Variants in GRIA2 observed in about 807,000 individuals in gnomAD.
GRIA2 encodes the protein glutamate receptor 2.
A neutral mutation model predicts 97.3 loss-of-function variants in GRIA2; 14 were observed. The ratio of observed to expected loss-of-function variants is 0.14; its 90% CI spans 0.10 to 0.23. The LOEUF (loss-of-function observed/expected upper bound fraction) is 0.23. Ranked by LOEUF, GRIA2 falls within the 10% of genes least tolerant of loss-of-function variation. The pLI, the probability that GRIA2 is intolerant of heterozygous loss-of-function variation, is 1.00. For missense variants in GRIA2, 558 were observed against 1,069.8 expected, an observed-to-expected ratio of 0.52 and a Z score of 6.67; for synonymous variants, 412 against 387.8, an observed-to-expected ratio of 1.06 and a Z score of -0.73.
At chr4:157,275,858 T>TCCA (rs1372421588) in intron 2 of GRIA2, among the ~76,000 whole-genome samples, 31 of 152,164 alleles carry the variant, frequency 2.0e-4, no homozygotes, top group Non-Finnish European at 3.8e-4. Context: ...GTGGGCTCTT[T>TCCA]TTTGGTTCCA....
At chr4:157,264,128 A>G (rs1202882421) in intron 2 of GRIA2, among the ~76,000 whole-genome samples, 9 of 152,132 alleles carry the variant, frequency 5.9e-5, no homozygotes, top group African/African-American at 2.2e-4. Flanking sequence ...ATGCAGGTTT[A>G]TAAGTTCACC....
chr4:157,298,666 C>T (rs1349569735), intron 2 of GRIA2, among the ~76,000 whole-genome samples: 1 of 89,258 alleles, frequency 1.1e-5, no homozygotes, highest in Non-Finnish European at 2.0e-5. Context: ...TAGATTTGAA[C>T]GTTATATTTT....
chr4:157,309,443 C>G (rs1733980875), intron 3 of GRIA2, among the ~76,000 whole-genome samples: 1 of 151,318 alleles, frequency 6.6e-6, no homozygotes, highest in Admixed American at 6.6e-5. Context: ...TCACCACCTC[C>G]CAGCTTCAAG....
At chr4:157,352,457 C>T (rs1035713597) in intron 12 of GRIA2, among the ~76,000 whole-genome samples, 1 of 152,042 alleles carries the variant, frequency 6.6e-6, no homozygotes, top group Non-Finnish European at 1.5e-5. Context: ...GTGGCTCATG[C>T]CTGTAATCTC....
chr4:157,362,588 T>A lies in GRIA2; in HGVS notation c.2407-211T>A. On this transcript the variant is annotated intron_variant, in intron 14 of 15. Coordinates refer to ENST00000264426, the MANE Select transcript of GRIA2 (RefSeq NM_001083619.3). ...AAGTTTATTCCCTGCAGGTAGTCGA[T>A]TGAGTCCACCAAAATCTTAAGCTAA... 6.6e-6 allele frequency: 4 copies of A among 609,320 alleles called. No homozygotes were observed. The South Asian group carries it at 7.3e-5, about 11-fold the overall frequency. The allele number at this position is 609,320 out of a possible 1,614,324, so 37.7% of individuals were successfully genotyped here. A position where few individuals can be genotyped will look rare whatever the true frequency, so the allele number is the denominator to read the frequency against.
intron 12 of GRIA2, among the ~76,000 whole-genome samples, chr4:157,351,723 T>C (rs908229572): frequency 4.6e-5 from 7 of 152,130 alleles, no homozygotes; most frequent in Admixed American, 3.3e-4. Flanking sequence ...GTTTTCCCCA[T>C]GCTGTTCTTG....
chr4:157,272,377 A>G (rs367853565), intron 2 of GRIA2, among the ~76,000 whole-genome samples: 138 of 152,190 alleles, frequency 9.1e-4, no homozygotes, highest in African/African-American at 3.1e-3. Context: ...AAAACTGGAG[A>G]GACACACAGG....
At position 157,343,546 on chromosome 4, in the gene GRIA2, A is replaced by G. The variant is rs1294074842; in HGVS notation, c.2043+2084A>G. On this transcript the variant is annotated intron_variant, in intron 12 of 15. Transcript: ENST00000264426. ...ATGCTAGAGACACGGTTGAAACCCA[A>G]GCAAGTCCTCACAGTTCCTCTCAAA... 3.9e-5 allele frequency among the ~76,000 whole-genome samples: 6 copies of G among 152,058 alleles called. No homozygotes were observed. The South Asian group carries it at 1.2e-3, about 31-fold the overall frequency.
At chr4:157,323,211 T>G (rs1475577375) in intron 6 of GRIA2, among the ~76,000 whole-genome samples, 1 of 151,590 alleles carries the variant, frequency 6.6e-6, no homozygotes, top group Admixed American at 6.6e-5. Context: ...GGCAGGCTCC[T>G]GTAATCCCAG....
At chr4:157,227,614 A>T (rs940491651) in intron 2 of GRIA2, among the ~76,000 whole-genome samples, 7 of 152,334 alleles carry the variant, frequency 4.6e-5, no homozygotes, top group Admixed American at 2.0e-4. Context: ...TCAGAGCTAA[A>T]ATCTTGTATT....
chr4:157,332,688 C>A, intron 6 of GRIA2, 131 bp from the exon 7 acceptor site: 1 of 614,050 alleles, frequency 1.6e-6, no homozygotes, highest in Non-Finnish European at 2.9e-6. Context: ...TTTCTAGATG[C>A]AGAAATTGTG....
chr4:157,258,855 G>T (rs1458184945), intron 2 of GRIA2, among the ~76,000 whole-genome samples: 1 of 152,036 alleles, frequency 6.6e-6, no homozygotes, highest in Non-Finnish European at 1.5e-5. Flanking sequence ...AATTATCGGG[G>T]GCGGGTTCCC....
intron 12 of GRIA2, among the ~76,000 whole-genome samples, chr4:157,354,031 A>G (rs1378349428): frequency 6.6e-6 from 1 of 152,142 alleles, no homozygotes; most frequent in Non-Finnish European, 1.5e-5. Flanking sequence ...AATGATTCGA[A>G]AAATATTTTA....
At chr4:157,321,831 T>A (rs1261451532) in intron 6 of GRIA2, among the ~76,000 whole-genome samples, 1 of 152,210 alleles carries the variant, frequency 6.6e-6, no homozygotes, top group Non-Finnish European at 1.5e-5. Flanking sequence ...TATGATAATT[T>A]ATAATAAATA....
chr4:157,362,281 T>A (rs1736664000), intron 14 of GRIA2: 1 of 409,858 alleles, frequency 2.4e-6, no homozygotes, highest in South Asian at 1.8e-5. Flanking sequence ...TCCTGAAGGT[T>A]TATCTTAGCC....
chr4:157,345,404 T>G (rs901139861), intron 12 of GRIA2, among the ~76,000 whole-genome samples: 1 of 152,036 alleles, frequency 6.6e-6, no homozygotes, highest in African/African-American at 2.4e-5. Flanking sequence ...CTGAATCATT[T>G]TGGAGTTACT....
chr4:157,228,932 G>T (rs1561000649), intron 2 of GRIA2, among the ~76,000 whole-genome samples: 1 of 144,712 alleles, frequency 6.9e-6, no homozygotes, highest in Non-Finnish European at 1.5e-5. Flanking sequence ...TTATGGGTCT[G>T]CCAAGCTTCA....
intron 2 of GRIA2, among the ~76,000 whole-genome samples, chr4:157,291,668 T>A (rs1348642468): frequency 6.6e-6 from 1 of 152,054 alleles, no homozygotes; most frequent in Non-Finnish European, 1.5e-5. Context: ...ATTAATGGTA[T>A]ACTTTGTAGT....
In GRIA2 at chr4:157,361,914, G is replaced by A. The variant is rs1007976857; in HGVS notation, c.2406+790G>A. Among the ~76,000 whole-genome samples, 4 of 152,130 alleles carry A rather than the reference G, an allele frequency of 2.6e-5. No homozygotes were observed. The highest frequency in any genetic ancestry group is 9.7e-5 in the African/African-American group (4 of 41,428). On this transcript the variant is annotated intron_variant, in intron 14 of 15. Transcript: ENST00000264426. The surrounding 1 kb of genome is among the most constrained non-coding windows in gnomAD (Gnocchi z 5.2). ...GTCTAACTCATACATAATAGTGCATGAAACAGCAACATACTGAAATAGAGT... is the reference window on the plus strand; with the variant it reads ...GTCTAACTCATACATAATAGTGCATAAAACAGCAACATACTGAAATAGAGT...
Sources: allele counts gnomAD v4.1 joint callset (sites outside exome capture counted in the v4.1 genomes callset), GRCh38; gene constraint gnomAD v4.1.1; non-coding constraint Gnocchi (gnomAD v3.1); transcripts MANE v1.5; gene names NCBI Gene and HGNC (gene_info 2026-07-23, HGNC 2026-07-21).